SKP2: variants seen among roughly 807,000 people sequenced by gnomAD.
The protein encoded by SKP2 is S-phase kinase-associated protein 2.
A neutral mutation model predicts 51.8 loss-of-function variants in SKP2; 16 were observed. The ratio of observed to expected loss-of-function variants is 0.31; its 90% CI spans 0.21 to 0.47. The LOEUF (loss-of-function observed/expected upper bound fraction) is 0.47. Among genes scored for constraint, SKP2 ranks in the 20% least tolerant of loss-of-function variants. SKP2 has a pLI of 1.00. For synonymous variants in SKP2, 176 were observed against 198.6 expected (o/e 0.89, Z 0.96); for missense variants, 377 against 505.3 (o/e 0.75, Z 2.43).
intron 9 of SKP2, among the ~76,000 whole-genome samples, chr5:36,179,866 C>T (rs573996581): frequency 6.6e-6 from 1 of 150,946 alleles, no homozygotes; most frequent in Admixed American, 6.6e-5. Flanking sequence ...TTAAAAGATG[C>T]TTGCAAATTT....
intron 3 of SKP2, among the ~76,000 whole-genome samples, chr5:36,165,662 A>AT (rs917191218): frequency 3.3e-5 from 5 of 152,088 alleles, no homozygotes; most frequent in Admixed American, 3.3e-4. Context: ...CACACTGACA[A>AT]TTTTTTTATG....
In SKP2 at chr5:36,184,135, T is replaced by G. The variant is rs1286049035; in HGVS notation, c.*2104T>G. The G allele has an allele frequency of 3.4e-6, 2 of 586,140 alleles. No individual in the cohort carries two copies. Among genetic ancestry groups the G allele is most frequent in the Admixed American group, 3.4e-5 (1 of 29,516 alleles). The allele number at this position is 586,140 out of a possible 1,614,324, so 36.3% of individuals were successfully genotyped here. A position where few individuals can be genotyped will look rare whatever the true frequency, so the allele number is the denominator to read the frequency against. Reference sequence around the variant, plus strand: ...TGGTATGCCATTTGGCTTAGATACCTCTAAATAAGACTCTTCAAAACAGAG... The same window carrying G: ...TGGTATGCCATTTGGCTTAGATACCGCTAAATAAGACTCTTCAAAACAGAG... On this transcript the variant is annotated 3_prime_UTR_variant, in exon 10 of 10. Transcript: ENST00000274255.
chr5:36,189,037 T>C (rs1745981140), downstream of SKP2, among the ~76,000 whole-genome samples: 1 of 152,232 alleles, frequency 6.6e-6, no homozygotes, highest in East Asian at 1.9e-4. Flanking sequence ...AGCTTGTTCA[T>C]GCATCATGCA....
chr5:36,163,592 G>C, intron 2 of SKP2, 53 bp from the exon 3 acceptor site: 1 of 1,098,340 alleles, frequency 9.1e-7, no homozygotes, highest in Non-Finnish European at 1.4e-6. Flanking sequence ...AGACTCAGTA[G>C]ACTTGATAGG....
chr5:36,167,715 G>C (rs1450220589), intron 4 of SKP2, among the ~76,000 whole-genome samples: 5 of 152,142 alleles, frequency 3.3e-5, no homozygotes, highest in African/African-American at 9.6e-5. Flanking sequence ...CTGCCTGCCA[G>C]GTTCAAGCAA....
chr5:36,188,465 A>T (rs902745414), downstream of SKP2, among the ~76,000 whole-genome samples: 2 of 152,012 alleles, frequency 1.3e-5, no homozygotes, highest in Non-Finnish European at 2.9e-5. Context: ...TCTGTAAAGG[A>T]TTTTATTTTT....
chr5:36,184,124 G>A lies in SKP2; in HGVS notation c.*2093G>A. The A allele has an allele frequency of 3.3e-6, 2 of 614,060 alleles. No individual in the cohort carries two copies. The highest frequency in any genetic ancestry group is 4.6e-5 in the South Asian group (2 of 43,508). 38.0% of individuals were successfully genotyped at this position (614,060 alleles called of 1,614,324 possible). On this transcript the variant is annotated 3_prime_UTR_variant, in exon 10 of 10. Transcript: ENST00000274255. ...AGCATTTAGTGTGGTATGCCATTTG[G>A]CTTAGATACCTCTAAATAAGACTCT...
chr5:36,157,304 A>T (rs1371019050), intron 2 of SKP2, among the ~76,000 whole-genome samples: 1 of 152,256 alleles, frequency 6.6e-6, no homozygotes, highest in East Asian at 1.9e-4. Context: ...ACACTGTTCC[A>T]TATTTTTTCC....
Position 36,182,454 on chromosome 5 carries a change from G to A in SKP2, c.*423G>A. 1.0e-6 allele frequency: 1 copy of A among 988,240 alleles called. No homozygotes were observed. Among genetic ancestry groups the A allele is most frequent in the South Asian group, 4.6e-5 (1 of 21,836 alleles). The allele number at this position is 988,240 out of a possible 1,614,324, so 61.2% of individuals were successfully genotyped here. A position where few individuals can be genotyped will look rare whatever the true frequency, so the allele number is the denominator to read the frequency against. Reference sequence around the variant, plus strand: ...TATTGCTTTATAAGACAGCTTAGAAGAACAATAAGCTATTTGTATTATGAG... The same window carrying A: ...TATTGCTTTATAAGACAGCTTAGAAAAACAATAAGCTATTTGTATTATGAG... On this transcript the variant is annotated 3_prime_UTR_variant, in exon 10 of 10. Transcript: ENST00000274255.
At position 36,177,029 on chromosome 5, in the gene SKP2, T is replaced by C; in HGVS notation, c.953+13T>C. 1 of 1,561,662 alleles carries C rather than the reference T, an allele frequency of 6.4e-7. No individual in the cohort carries two copies. Among genetic ancestry groups the C allele is most frequent in the Non-Finnish European group, 8.8e-7 (1 of 1,140,718 alleles). ...ATCTAGACTTAAGGTATTTTTTTAT[T>C]TGTTTATTTTAGATCAAAAGTTGAA... is the stretch of plus-strand genomic sequence containing the variant. On this transcript the variant is annotated intron_variant, in intron 8 of 9. Coordinates refer to ENST00000274255, the MANE Select transcript of SKP2 (RefSeq NM_005983.4).
At chr5:36,180,016 A>G (rs1301741046) in intron 9 of SKP2, among the ~76,000 whole-genome samples, 6 of 151,814 alleles carry the variant, frequency 4.0e-5, no homozygotes, top group African/African-American at 7.3e-5. Context: ...CCCCTTATAT[A>G]TAACACCCGG....
At chr5:36,177,127 T>G (rs936711063) in intron 8 of SKP2, 58 bp from the exon 9 acceptor site, 2 of 1,333,830 alleles carry the variant, frequency 1.5e-6, no homozygotes, top group Admixed American at 3.4e-5. Context: ...TATTTCTGTC[T>G]TCTTTATCTA....
chr5:36,177,052 GA>G, intron 8 of SKP2, 36 bp downstream of exon 8: 1 of 1,469,898 alleles, frequency 6.8e-7, no homozygotes. Context: ...ATCAAAAGTT[GA>G]AAAATCTTGA....
intron 4 of SKP2, among the ~76,000 whole-genome samples, chr5:36,167,300 C>T (rs981609632): frequency 2.0e-5 from 3 of 152,164 alleles, no homozygotes; most frequent in Non-Finnish European, 4.4e-5. Flanking sequence ...CCCTTCTTTC[C>T]GTAGTCAGGA....
chr5:36,183,829 ATTG>A lies in SKP2; in HGVS notation c.*1801_*1803del. 1 of 1,581,016 alleles carries A rather than the reference ATTG, an allele frequency of 6.3e-7. No homozygotes were observed. Among genetic ancestry groups the A allele is most frequent in the Admixed American group, 1.9e-5 (1 of 51,432 alleles). On this transcript the variant is annotated 3_prime_UTR_variant, in exon 10 of 10. Coordinates refer to ENST00000274255, the MANE Select transcript of SKP2 (RefSeq NM_005983.4). Reference sequence around the variant, plus strand: ...AAAGTGCTAAATACTACTTGAAATTATTGTTTACAGATTAGTGACAAGAGCTGG... The same window carrying A: ...AAAGTGCTAAATACTACTTGAAATTATTTACAGATTAGTGACAAGAGCTGG...
intron 7 of SKP2, among the ~76,000 whole-genome samples, chr5:36,176,687 A>AT (rs930296490): frequency 4.0e-5 from 6 of 151,714 alleles, no homozygotes; most frequent in South Asian, 2.1e-4. Flanking sequence ...TGTGAATGGG[A>AT]TTTTTTTCCC....
chr5:36,183,779 G>T lies in SKP2; in HGVS notation c.*1748G>T, dbSNP rs1415142695. The T allele has an allele frequency of 1.4e-6, 2 of 1,478,120 alleles. No homozygotes were observed. Among genetic ancestry groups the T allele is most frequent in the East Asian group, 2.4e-5 (1 of 41,298 alleles). 91.6% of individuals were successfully genotyped at this position (1,478,120 alleles called of 1,614,324 possible). On this transcript the variant is annotated 3_prime_UTR_variant, in exon 10 of 10. Transcript: ENST00000274255. ...AAAGTTGGGTTGCACAGGAAATGAT[G>T]ATGCTTCAATTTCTTAATAGTTAAA...
intron 3 of SKP2, among the ~76,000 whole-genome samples, chr5:36,165,467 T>C (rs909163696): frequency 1.3e-5 from 2 of 152,210 alleles, no homozygotes; most frequent in Non-Finnish European, 2.9e-5. Flanking sequence ...TTTGCCTTCT[T>C]GCAAGAGGAA....
intron 5 of SKP2, among the ~76,000 whole-genome samples, chr5:36,169,324 A>G (rs1242116498): frequency 6.6e-6 from 1 of 152,154 alleles, no homozygotes; most frequent in Non-Finnish European, 1.5e-5. Flanking sequence ...AGGCACCTGT[A>G]ATCCCAGCTA....
Sources: allele counts gnomAD v4.1 joint callset (sites outside exome capture counted in the v4.1 genomes callset), GRCh38; gene constraint gnomAD v4.1.1; transcripts MANE v1.5; gene names NCBI Gene and HGNC (gene_info 2026-07-23, HGNC 2026-07-21).